The following ST6GALNAC2 variants were observed in gnomAD, a reference collection of about 807,000 sequenced individuals.
ST6GALNAC2 encodes alpha-N-acetylgalactosaminide alpha-2,6-sialyltransferase 2.
In ST6GALNAC2, 42 loss-of-function variants were observed where a neutral mutation model predicts 38.7. That is an observed-to-expected ratio of 1.09 (90% CI 0.85 to 1.40). The LOEUF is 1.40. Among genes scored for constraint, ST6GALNAC2 ranks in the 40% most tolerant of loss-of-function variants. ST6GALNAC2 has a pLI of 0.00. For synonymous variants in ST6GALNAC2, 233 were observed against 209.0 expected, an observed-to-expected ratio of 1.11 and a Z score of -0.99; for missense variants, 506 against 481.7, an observed-to-expected ratio of 1.05 and a Z score of -0.47.
intron 2 of ST6GALNAC2, among the ~76,000 whole-genome samples, chr17:76,576,075 T>G (rs771644646): frequency 5.3e-5 from 8 of 151,310 alleles, no homozygotes; most frequent in Non-Finnish European, 1.0e-4. Context: ...CAAGACCCCA[T>G]GTCTGCAAAA....
rs73369149 is a variant in ST6GALNAC2 at position 76,574,354 on chromosome 17, G to T, written c.361+11C>A. ...GCAGAAGGCAGGTGAGAGACAGCGG[G>T]CGCGGGTTACCTTGGTGAGAGAGCC... On this transcript the variant is annotated intron_variant, in intron 3 of 8. Coordinates refer to ENST00000225276, the MANE Select transcript of ST6GALNAC2 (RefSeq NM_006456.3). 12,716 of 1,608,604 alleles carry T rather than the reference G, an allele frequency of 7.9e-3. 862 individuals carry two copies. The African/African-American group carries it at 0.15, about 19-fold the overall frequency.
intron 4 of ST6GALNAC2, among the ~76,000 whole-genome samples, 173 bp from the exon 5 acceptor site, chr17:76,572,948 G>C (rs537873915): frequency 6.6e-6 from 1 of 152,190 alleles, no homozygotes; most frequent in Non-Finnish European, 1.5e-5. Flanking sequence ...CAGACCTCAA[G>C]GGGTGACGCC....
intron 1 of ST6GALNAC2, among the ~76,000 whole-genome samples, chr17:76,579,147 G>A (rs572634130): frequency 2.0e-5 from 3 of 152,336 alleles, no homozygotes; most frequent in East Asian, 1.9e-4. Flanking sequence ...TCGAACTCCC[G>A]ACTTCAGGTG....
At chr17:76,569,885 GT>G (rs2075333345) in intron 6 of ST6GALNAC2, 1 of 289,606 alleles carries the variant, frequency 3.5e-6, no homozygotes, top group South Asian at 1.7e-4. Flanking sequence ...AGGAGGGCTG[GT>G]TGTCTGGGCC....
intron 1 of ST6GALNAC2, among the ~76,000 whole-genome samples, chr17:76,584,349 C>A (rs1457857278): frequency 1.3e-5 from 2 of 152,038 alleles, no homozygotes; most frequent in Non-Finnish European, 2.9e-5. Flanking sequence ...GCATGCACCA[C>A]CATCCCCGGA....
intron 3 of ST6GALNAC2, among the ~76,000 whole-genome samples, chr17:76,574,139 G>A (rs2075385649): frequency 6.6e-6 from 1 of 152,138 alleles, no homozygotes; most frequent in South Asian, 2.1e-4. Flanking sequence ...AGGATGGTGA[G>A]GCCCACTGGC....
chr17:76,569,690 AGCCCCTAAG>A, intron 6 of ST6GALNAC2: 1 of 389,268 alleles, frequency 2.6e-6, no homozygotes, highest in Non-Finnish European at 4.5e-6. Context: ...TCTCTGAGGC[AGCCCCTAAG>A]GGCCCAAGCC....
At position 76,575,865 on chromosome 17, in the gene ST6GALNAC2, C is replaced by G. The variant is rs530877136; in HGVS notation, c.187-1326G>C. On this transcript the variant is annotated intron_variant, in intron 2 of 8. Transcript: ENST00000225276. ...CCATTCGTTTGATCAAAAGACAAAG[C>G]AGGAAATAGCTGTACAGTAATTTCT... is the stretch of plus-strand genomic sequence containing the variant. 6.6e-5 allele frequency among the ~76,000 whole-genome samples: 10 copies of G among 152,330 alleles called. No homozygotes were observed. In the South Asian group the frequency reaches 1.7e-3, roughly 25 times the overall value.
chr17:76,578,687 G>T, intron 2 of ST6GALNAC2, 69 bp downstream of exon 2: 1 of 1,432,964 alleles, frequency 7.0e-7, no homozygotes, highest in Non-Finnish European at 9.7e-7. Flanking sequence ...GTTCTCGTTT[G>T]CTCTTCTTCC....
intron 6 of ST6GALNAC2, chr17:76,569,447 T>TG (rs2143292135): frequency 4.7e-6 from 1 of 210,544 alleles, no homozygotes; most frequent in South Asian, 2.0e-4. Flanking sequence ...ACCTGAGGAC[T>TG]GGGGTTCAGG....
rs2075266210 is a variant in ST6GALNAC2, at chr17:76,565,422, A to ACAAGGTG, written c.*675_*681dup. 6.6e-6 allele frequency: 1 copy of ACAAGGTG among 150,756 alleles called. No homozygotes were observed. Among genetic ancestry groups the ACAAGGTG allele is most frequent in the Admixed American group, 6.7e-5 (1 of 15,028 alleles). 9.3% of individuals were successfully genotyped at this position (150,756 alleles called of 1,614,324 possible). The stretch of plus-strand genomic sequence containing the variant: ...ACCTGGTGACATCATCCTGTTGGTG[A>ACAAGGTG]CAAGGTGGTGATACATCTCTAATGG... On this transcript the variant is annotated 3_prime_UTR_variant, in exon 9 of 9. Coordinates refer to ENST00000225276, the MANE Select transcript of ST6GALNAC2 (RefSeq NM_006456.3).
In ST6GALNAC2 at chr17:76,565,697, A is replaced by T. The variant is rs1043145097; in HGVS notation, c.*407T>A. 1 of 164,282 alleles carries T rather than the reference A, an allele frequency of 6.1e-6. No individual in the cohort carries two copies. Among genetic ancestry groups the T allele is most frequent in the African/African-American group, 2.4e-5 (1 of 41,612 alleles). 10.2% of individuals were successfully genotyped at this position (164,282 alleles called of 1,614,324 possible). A position where few individuals can be genotyped will look rare whatever the true frequency, so the allele number is the denominator to read the frequency against. On this transcript the variant is annotated 3_prime_UTR_variant, in exon 9 of 9. Coordinates refer to ENST00000225276, the MANE Select transcript of ST6GALNAC2 (RefSeq NM_006456.3). Reference sequence around the variant, plus strand: ...TCATGTTCTTAGAAAGGCTCTTAAGAGGTGTCCTGGAGTCCTTGAATCACT... The same window carrying T: ...TCATGTTCTTAGAAAGGCTCTTAAGTGGTGTCCTGGAGTCCTTGAATCACT...
chr17:76,568,613 T>C (rs2075313173), intron 7 of ST6GALNAC2, 100 bp downstream of exon 7: 2 of 1,121,554 alleles, frequency 1.8e-6, no homozygotes, highest in African/African-American at 1.5e-5. Flanking sequence ...TGGTTATCGG[T>C]CAGTGCGTGG....
chr17:76,566,595 C>T (rs1050192789), intron 8 of ST6GALNAC2, among the ~76,000 whole-genome samples: 3 of 152,024 alleles, frequency 2.0e-5, no homozygotes, highest in Admixed American at 6.6e-5. Flanking sequence ...TGGTGGCTCA[C>T]GCCTGTAATC....
intron 8 of ST6GALNAC2, among the ~76,000 whole-genome samples, chr17:76,567,063 TC>T (rs1251690431): frequency 1.2e-4 from 18 of 152,146 alleles, no homozygotes; most frequent in African/African-American, 4.1e-4. Context: ...CTCTAGGATG[TC>T]CCCATAAAAG....
At chr17:76,574,213 G>A (rs1311184505) in intron 3 of ST6GALNAC2, 152 bp downstream of exon 3, 2 of 889,738 alleles carry the variant, frequency 2.2e-6, no homozygotes, top group African/African-American at 3.4e-5. Flanking sequence ...GGTGAGGCAG[G>A]AGTTGCATAG....
intron 1 of ST6GALNAC2, among the ~76,000 whole-genome samples, chr17:76,579,418 C>A (rs1275213559): frequency 6.6e-6 from 1 of 152,236 alleles, no homozygotes; most frequent in East Asian, 1.9e-4. Context: ...GGAACTGTGA[C>A]CATCTGAAGG....
intron 1 of ST6GALNAC2, among the ~76,000 whole-genome samples, chr17:76,580,115 A>G (rs1280795699): frequency 6.6e-6 from 1 of 152,114 alleles, no homozygotes; most frequent in Non-Finnish European, 1.5e-5. Flanking sequence ...GTATGTTAGC[A>G]CATATAAAAA....
intron 6 of ST6GALNAC2, 89 bp from the exon 7 acceptor site, chr17:76,568,885 C>A: frequency 7.8e-7 from 1 of 1,281,006 alleles, no homozygotes; most frequent in Non-Finnish European, 1.1e-6. Flanking sequence ...GCCGGAGTAG[C>A]CGCGGTACCC....
Sources: allele counts gnomAD v4.1 joint callset (sites outside exome capture counted in the v4.1 genomes callset), GRCh38; gene constraint gnomAD v4.1.1; transcripts MANE v1.5; gene names NCBI Gene and HGNC (gene_info 2026-07-23, HGNC 2026-07-21).